Variants in CCDC81 observed in about 807,000 individuals in gnomAD.
CCDC81 encodes coiled-coil domain containing 81.
CCDC81 carries 79 observed loss-of-function variants against 83.7 expected under a neutral mutation model. The observed-to-expected ratio is 0.94, with a 90% CI of 0.79 to 1.14. The LOEUF (loss-of-function observed/expected upper bound fraction) is 1.14. Ranked by LOEUF, CCDC81 falls within the 50% of genes most tolerant of loss-of-function variation. The pLI is 0.00. For missense variants in CCDC81, 791 were observed against 778.1 expected, an observed-to-expected ratio of 1.02 and a Z score of -0.20; for synonymous variants, 252 against 278.1, an observed-to-expected ratio of 0.91 and a Z score of 0.93.
intron 2 of CCDC81, 135 bp downstream of exon 2, chr11:86,386,247 T>A (rs2138499995): frequency 7.6e-6 from 2 of 262,192 alleles, no homozygotes; most frequent in East Asian, 1.6e-4. Flanking sequence ...GCCATCCTGT[T>A]TAACTTTCAG....
At chr11:86,391,535 A>G (rs536377009) in intron 3 of CCDC81, among the ~76,000 whole-genome samples, 59 of 152,236 alleles carry the variant, frequency 3.9e-4, no homozygotes, top group African/African-American at 1.3e-3. Context: ...TGCTTCTTTC[A>G]AGCTAGATAT....
chr11:86,394,401 C>A (rs956387096), intron 4 of CCDC81, among the ~76,000 whole-genome samples: 3 of 152,192 alleles, frequency 2.0e-5, no homozygotes, highest in African/African-American at 7.2e-5. Flanking sequence ...AGCACATCAG[C>A]ATGTTAAAGG....
intron 10 of CCDC81, among the ~76,000 whole-genome samples, chr11:86,411,994 C>T (rs186344658): frequency 1.3e-3 from 191 of 152,284 alleles, no homozygotes; most frequent in African/African-American, 4.4e-3. Flanking sequence ...TCTGGTTTTC[C>T]CATACATAGT....
chr11:86,422,875 C>T lies in CCDC81; in HGVS notation c.*160C>T, dbSNP rs1948814719. 4 of 684,132 alleles carry T rather than the reference C, an allele frequency of 5.8e-6. No homozygotes were observed. The highest frequency in any genetic ancestry group is 7.2e-6 in the Non-Finnish European group (3 of 415,168). The allele number at this position is 684,132 out of a possible 1,614,324, so 42.4% of individuals were successfully genotyped here. A position where few individuals can be genotyped will look rare whatever the true frequency, so the allele number is the denominator to read the frequency against. On this transcript the variant is annotated 3_prime_UTR_variant, in exon 15 of 15. Transcript: ENST00000445632. ...TGTTAAGCCCTTATTGAATTCACTCCTGCTTTCCTCCCACCCCCAATTATT... is the reference window on the plus strand; with the variant it reads ...TGTTAAGCCCTTATTGAATTCACTCTTGCTTTCCTCCCACCCCCAATTATT...
chr11:86,410,265 T>C (rs1311758814), intron 10 of CCDC81, among the ~76,000 whole-genome samples: 1 of 152,210 alleles, frequency 6.6e-6, no homozygotes, highest in Admixed American at 6.5e-5. Flanking sequence ...TAATAAATTA[T>C]AATTTATTTA....
intron 7 of CCDC81, among the ~76,000 whole-genome samples, chr11:86,402,601 T>G (rs1317907815): frequency 6.6e-6 from 1 of 152,220 alleles, no homozygotes; most frequent in Non-Finnish European, 1.5e-5. Flanking sequence ...CAACTGGATA[T>G]TCCATAGGAT....
At chr11:86,399,101 A>G (rs1239396166) in intron 6 of CCDC81, among the ~76,000 whole-genome samples, 1 of 152,202 alleles carries the variant, frequency 6.6e-6, no homozygotes, top group Non-Finnish European at 1.5e-5. Context: ...ATTGGCTGTT[A>G]AAAGTTGACG....
chr11:86,416,166 T>C (rs1948717088), intron 13 of CCDC81, among the ~76,000 whole-genome samples: 1 of 152,238 alleles, frequency 6.6e-6, no homozygotes, highest in East Asian at 1.9e-4. Context: ...TCTTTTCTTA[T>C]TGTTGAGTTT....
chr11:86,415,341 C>T (rs1948703008), intron 13 of CCDC81, 28 bp downstream of exon 13: 2 of 1,560,856 alleles, frequency 1.3e-6, no homozygotes, highest in Non-Finnish European at 1.8e-6. Flanking sequence ...CTTTCTCCCT[C>T]CACTTCTCCT....
At chr11:86,388,921 T>C (rs1948285414) in intron 3 of CCDC81, among the ~76,000 whole-genome samples, 1 of 152,182 alleles carries the variant, frequency 6.6e-6, no homozygotes, top group Admixed American at 6.5e-5. Flanking sequence ...GATCTAAAAT[T>C]ATATTTTTTA....
At chr11:86,379,378 G>C (rs1290771873) in intron 1 of CCDC81, among the ~76,000 whole-genome samples, 7 of 152,100 alleles carry the variant, frequency 4.6e-5, no homozygotes, top group Non-Finnish European at 1.5e-5. Context: ...TTACAGGTGT[G>C]AGCCACCGTG....
intron 1 of CCDC81, among the ~76,000 whole-genome samples, chr11:86,384,719 A>T (rs1336250828): frequency 6.6e-6 from 1 of 152,200 alleles, no homozygotes; most frequent in Non-Finnish European, 1.5e-5. Flanking sequence ...CCTAAATGGC[A>T]AGTTTGTTAA....
chr11:86,392,420 C>A, intron 3 of CCDC81, 121 bp from the exon 4 acceptor site: 2 of 1,169,724 alleles, frequency 1.7e-6, no homozygotes, highest in Non-Finnish European at 2.4e-6. Flanking sequence ...CTAAAAGCTT[C>A]ATCCAGAAGA....
chr11:86,405,784 TC>T (rs1299038651), intron 7 of CCDC81, among the ~76,000 whole-genome samples: 5 of 140,926 alleles, frequency 3.5e-5, no homozygotes, highest in Admixed American at 7.9e-5. Context: ...TCTTCTTTTT[TC>T]TTTTTTTTTT....
At chr11:86,378,562 G>T (rs936778492) in intron 1 of CCDC81, among the ~76,000 whole-genome samples, 1 of 152,254 alleles carries the variant, frequency 6.6e-6, no homozygotes, top group East Asian at 1.9e-4. Flanking sequence ...TTTCTGATAG[G>T]TGAGTACTGA....
In CCDC81 at chr11:86,386,091, A is replaced by G; in HGVS notation, c.120A>G (p.Arg40=). Reference sequence around the variant, plus strand: ...GGGGGAATGTATCAGAATTTGTGAGACGGCAGTTAACCCTGCACAAGGTAA... The same window carrying G: ...GGGGGAATGTATCAGAATTTGTGAGGCGGCAGTTAACCCTGCACAAGGTAA... The part of the protein sequence containing the change: ...IIWGNVSEFV[R]RQLTLHKGVQ... Residue 40 remains arginine, a synonymous_variant, in exon 2 of 15, where the codon AGA becomes AGG. Transcript: ENST00000445632. 2 of 1,493,164 alleles carry G rather than the reference A, an allele frequency of 1.3e-6. No individual in the cohort carries two copies. The highest frequency in any genetic ancestry group is 3.7e-5 in the Admixed American group (2 of 54,016). 92.5% of individuals were successfully genotyped at this position (1,493,164 alleles called of 1,614,324 possible). A position where few individuals can be genotyped will look rare whatever the true frequency, so the allele number is the denominator to read the frequency against.
intron 3 of CCDC81, 42 bp from the exon 4 acceptor site, chr11:86,392,499 A>G (rs1409674698): frequency 2.6e-6 from 4 of 1,540,658 alleles, no homozygotes; most frequent in African/African-American, 1.4e-5. Flanking sequence ...TATGGTAATC[A>G]CCACTTTCTT....
At position 86,422,764 on chromosome 11, in the gene CCDC81, C is replaced by T. The variant is rs1471746390; in HGVS notation, c.*49C>T. On this transcript the variant is annotated 3_prime_UTR_variant, in exon 15 of 15. Coordinates refer to ENST00000445632, the MANE Select transcript of CCDC81 (RefSeq NM_001156474.2). ...TCCCGGGGAAAGTTTTTATCTTTTA[C>T]ATGTTTGGGGGTGATTGTGAAACTG... is the stretch of plus-strand genomic sequence containing the variant. 1 of 1,577,806 alleles carries T rather than the reference C, an allele frequency of 6.3e-7. No homozygotes were observed. Among genetic ancestry groups the T allele is most frequent in the Admixed American group, 1.7e-5 (1 of 57,872 alleles).
At chr11:86,381,329 G>T (rs943880670) in intron 1 of CCDC81, among the ~76,000 whole-genome samples, 1 of 152,164 alleles carries the variant, frequency 6.6e-6, no homozygotes, top group Admixed American at 6.5e-5. Flanking sequence ...GAGTACTCTG[G>T]CATATTTAAA....
Sources: allele counts gnomAD v4.1 joint callset (sites outside exome capture counted in the v4.1 genomes callset), GRCh38; gene constraint gnomAD v4.1.1; transcripts MANE v1.5; gene names NCBI Gene and HGNC (gene_info 2026-07-23, HGNC 2026-07-21).